TP53BP1: variants seen among roughly 807,000 people sequenced by gnomAD.
TP53BP1 encodes tumor protein p53 binding protein 1.
A neutral mutation model predicts 200.8 loss-of-function variants in TP53BP1; 61 were observed. The ratio of observed to expected loss-of-function variants is 0.30; its 90% CI spans 0.25 to 0.38. The LOEUF is 0.38. Ranked by LOEUF, TP53BP1 falls within the 10% of genes least tolerant of loss-of-function variation. TP53BP1 has a pLI of 1.00. For synonymous variants in TP53BP1, 822 were observed against 844.3 expected (o/e 0.97, Z 0.46); for missense variants, 2,144 against 2,371.9 (o/e 0.90, Z 2.00).
chr15:43,492,995 CCTTCAGAGCCCA>C (rs1351441749), intron 1 of TP53BP1, 30 bp downstream of exon 1: 1 of 1,611,848 alleles, frequency 6.2e-7, no homozygotes, highest in Non-Finnish European at 8.5e-7. Context: ...GAAATCCAGG[CCTTCAGAGCCCA>C]CTGCACTCCC....
At chr15:43,458,335 G>A (rs1292145257) in intron 11 of TP53BP1, among the ~76,000 whole-genome samples, 1 of 152,026 alleles carries the variant, frequency 6.6e-6, no homozygotes, top group African/African-American at 2.4e-5. Context: ...ACAAGGCTGA[G>A]GCAGGAGAAT....
chr15:43,503,390 G>C (rs987576477), intron 1 of TP53BP1, among the ~76,000 whole-genome samples: 1 of 152,212 alleles, frequency 6.6e-6, no homozygotes, highest in Non-Finnish European at 1.5e-5. Context: ...GGGCAGAGTG[G>C]CTCACACCTG....
intron 1 of TP53BP1, among the ~76,000 whole-genome samples, chr15:43,502,155 C>CA (rs994955807): frequency 1.3e-5 from 2 of 151,732 alleles, no homozygotes; most frequent in African/African-American, 2.4e-5. Context: ...CTTATCTCTA[C>CA]AAAAAAATGT....
At chr15:43,415,017 T>C (rs1042701973) in intron 23 of TP53BP1, among the ~76,000 whole-genome samples, 2 of 151,804 alleles carry the variant, frequency 1.3e-5, no homozygotes, top group African/African-American at 4.8e-5. Flanking sequence ...CATGTTTCAA[T>C]AGGAAGTCTG....
chr15:43,462,464 C>T (rs1159607531), intron 11 of TP53BP1, among the ~76,000 whole-genome samples: 4 of 151,882 alleles, frequency 2.6e-5, no homozygotes, highest in Non-Finnish European at 4.4e-5. Context: ...CACACGTCAC[C>T]ACATCCGGCT....
chr15:43,433,249 A>G lies in TP53BP1; in HGVS notation c.3192-572T>C, dbSNP rs536829595. ...TATACTGATATATCTACAACTAAAC[A>G]TTTCAGAATGAATTGGTTTCTCAAA... On this transcript the variant is annotated intron_variant, in intron 16 of 27. Coordinates refer to ENST00000382044, the MANE Select transcript of TP53BP1 (RefSeq NM_001141980.3). 1.9e-4 allele frequency among the ~76,000 whole-genome samples: 29 copies of G among 152,286 alleles called. No individual in the cohort carries two copies. The South Asian group carries it at 5.6e-3, about 29-fold the overall frequency.
rs2046658231 is a variant in TP53BP1 at position 43,469,063 on chromosome 15, G to A, written c.1389+795C>T. ...CTGCAAACTGAAAGGGGTAAAATAA[G>A]TTGTCCCAATAAAACTACAATAATT... On this transcript the variant is annotated intron_variant, in intron 11 of 27. Transcript: ENST00000382044. 2.0e-5 allele frequency among the ~76,000 whole-genome samples: 3 copies of A among 152,190 alleles called. No homozygotes were observed. In the South Asian group the frequency reaches 6.2e-4, roughly 32 times the overall value.
chr15:43,499,919 G>C (rs1442150494), intron 1 of TP53BP1, among the ~76,000 whole-genome samples: 1 of 152,164 alleles, frequency 6.6e-6, no homozygotes, highest in African/African-American at 2.4e-5. Flanking sequence ...TACAATAAAA[G>C]TTCTGTAGGA....
In TP53BP1 at chr15:43,416,420, G is replaced by A; in HGVS notation, c.4682-4C>T. On this transcript the variant is annotated splice_polypyrimidine_tract_variant and splice_region_variant and intron_variant, in intron 21 of 27. Transcript: ENST00000382044. ...TTCCTATGTCCTTTCACCACTCCTG[G>A]GGGGTGGAAAGCATAAAAGAAGCTT... The A allele has an allele frequency of 6.2e-7, 1 of 1,613,036 alleles. No individual in the cohort carries two copies. The highest frequency in any genetic ancestry group is 8.5e-7 in the Non-Finnish European group (1 of 1,179,482).
intron 21 of TP53BP1, among the ~76,000 whole-genome samples, chr15:43,419,626 C>T (rs990251117): frequency 6.8e-6 from 1 of 147,684 alleles, no homozygotes; most frequent in African/African-American, 2.6e-5. Flanking sequence ...AGTGATCCCC[C>T]TGCTTTGGCC....
rs746417467 is a variant in TP53BP1 at position 43,447,357 on chromosome 15, T to A, written c.2836+9A>T. 6.3e-7 allele frequency: 1 copy of A among 1,594,610 alleles called. No homozygotes were observed. The highest frequency in any genetic ancestry group is 8.5e-7 in the Non-Finnish European group (1 of 1,175,364). On this transcript the variant is annotated intron_variant, in intron 13 of 27. Coordinates refer to ENST00000382044, the MANE Select transcript of TP53BP1 (RefSeq NM_001141980.3). ...CTGCCTTAAATATCATTACTTTTTA[T>A]TCACTCACCAATAGGAGTACTGTGT...
chr15:43,447,802 C>T (rs1488225899), intron 12 of TP53BP1, among the ~76,000 whole-genome samples: 2 of 152,132 alleles, frequency 1.3e-5, no homozygotes, highest in Admixed American at 1.3e-4. Context: ...AACATTTGAT[C>T]TCCAAGACAG....
chr15:43,436,928 G>A (rs999490203), intron 16 of TP53BP1, among the ~76,000 whole-genome samples: 1 of 151,906 alleles, frequency 6.6e-6, no homozygotes, highest in East Asian at 1.9e-4. Context: ...TTGGGAAGAT[G>A]AGGCAGGAGG....
Position 43,479,357 on chromosome 15 carries a change from C to A in TP53BP1, c.788+40G>T, listed in dbSNP as rs564079602. ...GTAAAATGACATTAGTATAACCCTA[C>A]AGCAAAACTCGTAAATCCTTTTTAG... On this transcript the variant is annotated intron_variant, in intron 7 of 27. Transcript: ENST00000382044. 4.5e-6 allele frequency: 7 copies of A among 1,563,310 alleles called. No individual in the cohort carries two copies. The South Asian group carries it at 8.4e-5, about 19-fold the overall frequency.
intron 18 of TP53BP1, among the ~76,000 whole-genome samples, chr15:43,424,736 C>T (rs1036208996): frequency 1.3e-5 from 2 of 152,188 alleles, no homozygotes; most frequent in African/African-American, 4.8e-5. Flanking sequence ...CTTCTTAGAA[C>T]TTTTAATATG....
intron 7 of TP53BP1, among the ~76,000 whole-genome samples, chr15:43,479,076 A>G (rs1486443623): frequency 6.6e-6 from 1 of 152,162 alleles, no homozygotes; most frequent in African/African-American, 2.4e-5. Flanking sequence ...ATCAACAAAA[A>G]AAGGTCTTTG....
intron 11 of TP53BP1, among the ~76,000 whole-genome samples, chr15:43,459,259 C>T (rs1434271143): frequency 6.6e-6 from 1 of 152,082 alleles, no homozygotes; most frequent in Non-Finnish European, 1.5e-5. Flanking sequence ...ATTGCTTGAA[C>T]CCAGGAGGCA....
At chr15:43,408,790 A>C in intron 26 of TP53BP1, 107 bp downstream of exon 26, 1 of 1,127,778 alleles carries the variant, frequency 8.9e-7, no homozygotes, top group Non-Finnish European at 1.3e-6. Context: ...TTTATCCCAC[A>C]GACATTCCAA....
intron 10 of TP53BP1, among the ~76,000 whole-genome samples, chr15:43,473,819 T>C (rs900696777): frequency 6.6e-5 from 10 of 152,234 alleles, no homozygotes; most frequent in Non-Finnish European, 1.2e-4. Context: ...ACCCAGTGGA[T>C]CTCGCACGGG....
Sources: allele counts gnomAD v4.1 joint callset (sites outside exome capture counted in the v4.1 genomes callset), GRCh38; gene constraint gnomAD v4.1.1; transcripts MANE v1.5; gene names NCBI Gene and HGNC (gene_info 2026-07-23, HGNC 2026-07-21).